RACGAP1: variants seen among roughly 807,000 people sequenced by gnomAD.
The protein encoded by RACGAP1 is rac GTPase-activating protein 1.
RACGAP1 carries 30 observed loss-of-function variants against 78.1 expected under a neutral mutation model. The observed-to-expected ratio is 0.38, with a 90% CI of 0.29 to 0.52. The LOEUF (loss-of-function observed/expected upper bound fraction) is 0.52. RACGAP1 is among the 20% of genes least tolerant of loss of function. The pLI, the probability that RACGAP1 is intolerant of heterozygous loss-of-function variation, is 0.82. For missense variants in RACGAP1, 587 were observed against 777.1 expected, an observed-to-expected ratio of 0.76 and a Z score of 2.91; for synonymous variants, 231 against 264.8, an observed-to-expected ratio of 0.87 and a Z score of 1.24.
At position 49,999,606 on chromosome 12, in the gene RACGAP1, T is replaced by C. The variant is rs771989823; in HGVS notation, c.748+10A>G. On this transcript the variant is annotated intron_variant, in intron 8 of 16. Transcript: ENST00000312377. Reference sequence around the variant, plus strand: ...TTACACAGGCCAGTTTAGTCACAAATTCAATGGACCTGTTTTCCTTCGGCT... The same window carrying C: ...TTACACAGGCCAGTTTAGTCACAAACTCAATGGACCTGTTTTCCTTCGGCT... 10 of 1,608,474 alleles carry C rather than the reference T, an allele frequency of 6.2e-6. No homozygotes were observed. The African/African-American group carries it at 1.2e-4, about 19-fold the overall frequency.
At chr12:50,018,946 A>T (rs1291378873) in intron 1 of RACGAP1, among the ~76,000 whole-genome samples, 1 of 151,558 alleles carries the variant, frequency 6.6e-6, no homozygotes, top group Non-Finnish European at 1.5e-5. Flanking sequence ...GGTTCAAGTG[A>T]TTCTCCGGCC....
At chr12:50,033,401 C>T (rs1950352703), upstream of RACGAP1, among the ~76,000 whole-genome samples, 3 of 151,966 alleles carry the variant, frequency 2.0e-5, no homozygotes, top group Non-Finnish European at 4.4e-5. Context: ...AAAGAAGAGA[C>T]CTCTGAGCTG....
intron 2 of RACGAP1, among the ~76,000 whole-genome samples, chr12:50,013,196 GATTTCTGTAAAAATAA>G (rs1246183627): frequency 1.3e-5 from 2 of 152,118 alleles, no homozygotes; most frequent in Non-Finnish European, 2.9e-5. Context: ...ATAAAATCAG[GATTTCTGTAAAAATAA>G]ATATCTTGGG....
chr12:49,999,293 A>C (rs1463206618), intron 8 of RACGAP1, 22 bp from the exon 9 acceptor site: 2 of 1,588,692 alleles, frequency 1.3e-6, no homozygotes, highest in African/African-American at 2.7e-5. Flanking sequence ...GCAACTTTTA[A>C]GCTTTGTGTC....
At chr12:50,021,026 G>T in intron 1 of RACGAP1, 1 of 759,582 alleles carries the variant, frequency 1.3e-6, no homozygotes, top group Non-Finnish European at 1.6e-6. Context: ...TGATATCTCA[G>T]CCAAATTGTA....
intron 1 of RACGAP1, among the ~76,000 whole-genome samples, chr12:50,024,017 C>T (rs1193371583): frequency 3.3e-5 from 5 of 151,872 alleles, no homozygotes; most frequent in Non-Finnish European, 5.9e-5. Context: ...AAAAATTAGC[C>T]GGGCGTGGTG....
At chr12:49,991,479 A>ATATATATATATATATATATTT (rs1555169074) in intron 15 of RACGAP1, among the ~76,000 whole-genome samples, 1 of 24,090 alleles carries the variant, frequency 4.2e-5, no homozygotes, top group African/African-American at 1.4e-4. Flanking sequence ...ATATATATAT[A>ATATATATATATATATATATTT]TTTTTTTTTT....
At chr12:49,999,303 C>G in intron 8 of RACGAP1, 32 bp from the exon 9 acceptor site, 1 of 1,581,988 alleles carries the variant, frequency 6.3e-7, no homozygotes, top group Non-Finnish European at 8.6e-7. Context: ...AGCTTTGTGT[C>G]TTAAGTATTT....
chr12:50,032,779 G>A (rs978092567), intron 1 of RACGAP1, among the ~76,000 whole-genome samples: 2 of 152,186 alleles, frequency 1.3e-5, no homozygotes, highest in Admixed American at 1.3e-4. Flanking sequence ...CCGGCGAGAC[G>A]CGCGCTCTGA....
chr12:49,999,394 G>T, intron 8 of RACGAP1, 123 bp from the exon 9 acceptor site: 1 of 1,279,312 alleles, frequency 7.8e-7, no homozygotes, highest in Non-Finnish European at 1.1e-6. Context: ...GAGAACTAAT[G>T]GCTATGTAAA....
intron 7 of RACGAP1, among the ~76,000 whole-genome samples, chr12:50,000,575 T>C (rs2137364144): frequency 6.6e-6 from 1 of 152,172 alleles, no homozygotes; most frequent in South Asian, 2.1e-4. Context: ...CGAGTCATCC[T>C]GGGCAGCAAG....
At chr12:50,002,358 G>C in intron 5 of RACGAP1, 58 bp from the exon 6 acceptor site, 1 of 1,445,006 alleles carries the variant, frequency 6.9e-7, no homozygotes. Context: ...CCTAAACCCT[G>C]TGCAAATAAA....
At chr12:49,991,970 C>T in intron 15 of RACGAP1, 28 bp downstream of exon 15, 1 of 1,611,286 alleles carries the variant, frequency 6.2e-7, no homozygotes. Flanking sequence ...AGAGTCAAGT[C>T]CCTGAAGAAG....
intron 2 of RACGAP1, among the ~76,000 whole-genome samples, chr12:50,013,792 T>C (rs1949493354): frequency 6.6e-6 from 1 of 152,232 alleles, no homozygotes; most frequent in Non-Finnish European, 1.5e-5. Flanking sequence ...CTTTCCTCCA[T>C]GACACCATTT....
At chr12:49,990,937 C>G (rs936201440) in intron 15 of RACGAP1, 145 bp from the exon 16 acceptor site, 7 of 614,696 alleles carry the variant, frequency 1.1e-5, no homozygotes, top group Non-Finnish European at 2.0e-5. Context: ...TTTTTGTCAT[C>G]ATTCTGTAAC....
In RACGAP1 at chr12:49,995,494, T is replaced by C. The variant is rs79168542; in HGVS notation, c.1045-985A>G. On this transcript the variant is annotated intron_variant, in intron 10 of 16. Coordinates refer to ENST00000312377, the MANE Select transcript of RACGAP1 (RefSeq NM_001319999.2). Reference sequence around the variant, plus strand: ...ATTCTTGCTAATGTTACTTACATAATAATTTTTTTTTTTTTTGAGATAGGG... The same window carrying C: ...ATTCTTGCTAATGTTACTTACATAACAATTTTTTTTTTTTTTGAGATAGGG... 6.8e-3 allele frequency among the ~76,000 whole-genome samples: 1,040 copies of C among 152,104 alleles called. 30 individuals are homozygous for C. The highest frequency in any genetic ancestry group is 0.068 in the East Asian group (350 of 5,176).
chr12:50,002,967 T>C (rs975281095), intron 5 of RACGAP1, among the ~76,000 whole-genome samples: 8 of 145,402 alleles, frequency 5.5e-5, no homozygotes, highest in African/African-American at 2.1e-4. Flanking sequence ...GAGCTTGCAG[T>C]GAGCTGAGAT....
intron 2 of RACGAP1, among the ~76,000 whole-genome samples, chr12:50,007,582 A>G (rs1310504695): frequency 6.6e-6 from 1 of 152,236 alleles, no homozygotes; most frequent in Admixed American, 6.5e-5. Flanking sequence ...ATTCACACAC[A>G]GCTAGCAGAT....
At chr12:50,020,982 T>C (rs1162600614) in intron 1 of RACGAP1, 1 of 317,846 alleles carries the variant, frequency 3.1e-6, no homozygotes, top group Non-Finnish European at 4.5e-6. Context: ...TATTTATAGA[T>C]GACAAAAATA....
Sources: gnomAD v4.1 joint callset for allele counts (sites outside exome capture counted in the v4.1 genomes callset) on GRCh38, gnomAD v4.1.1 for gene constraint, MANE v1.5 for transcripts, NCBI Gene and HGNC (gene_info 2026-07-23, HGNC 2026-07-21) for gene names.